Variants in HMCN1 observed in about 807,000 individuals in gnomAD.
HMCN1 encodes hemicentin-1.
Under a neutral mutation model 625.9 loss-of-function variants are expected in HMCN1, and 321 were observed. The observed-to-expected ratio is 0.51, with a 90% CI of 0.47 to 0.56. The LOEUF is 0.56. Among genes scored for constraint, HMCN1 ranks in the 20% least tolerant of loss-of-function variants. The pLI is 0.00. For synonymous variants in HMCN1, 2,425 were observed against 2,417.6 expected (o/e 1.00, Z -0.09); for missense variants, 6,588 against 6,887.3 (o/e 0.96, Z 1.54).
intron 20 of HMCN1, among the ~76,000 whole-genome samples, chr1:185,989,285 G>A (rs780441931): frequency 9.2e-5 from 14 of 151,956 alleles, no homozygotes; most frequent in Non-Finnish European, 1.0e-4. Context: ...GTGAGCCACC[G>A]CACCTGGCCC....
At chr1:185,894,469 C>T (rs573301725) in intron 4 of HMCN1, among the ~76,000 whole-genome samples, 80 of 152,270 alleles carry the variant, frequency 5.3e-4, no homozygotes, top group African/African-American at 1.9e-3. Context: ...TAGGACATTT[C>T]ATTTGTTATA....
At chr1:185,923,924 CT>C (rs1364017328) in intron 8 of HMCN1, among the ~76,000 whole-genome samples, 4 of 152,146 alleles carry the variant, frequency 2.6e-5, no homozygotes. Context: ...CTGGTACTAT[CT>C]TTTCCCCTAA....
At chr1:185,810,654 T>TTG (rs34235221) in intron 1 of HMCN1, among the ~76,000 whole-genome samples, 9,891 of 147,606 alleles carry the variant, frequency 0.067, 398 homozygotes, top group African/African-American at 0.12. Context: ...AATATCAACT[T>TTG]TGTGTGTGTG....
At chr1:185,781,419 A>G (rs1657093996) in intron 1 of HMCN1, among the ~76,000 whole-genome samples, 1 of 151,934 alleles carries the variant, frequency 6.6e-6, no homozygotes, top group Admixed American at 6.6e-5. Context: ...TTACTTGTCT[A>G]GTTCTTTTAA....
At chr1:186,004,572 A>G (rs1378161155) in intron 29 of HMCN1, among the ~76,000 whole-genome samples, 1 of 152,220 alleles carries the variant, frequency 6.6e-6, no homozygotes, top group Non-Finnish European at 1.5e-5. Flanking sequence ...CAATAATTTG[A>G]TGAATAATAA....
chr1:185,904,271 T>C (rs1665973522), intron 4 of HMCN1, among the ~76,000 whole-genome samples: 1 of 151,848 alleles, frequency 6.6e-6, no homozygotes, highest in African/African-American at 2.4e-5. Flanking sequence ...CTTCTGGTTA[T>C]CCAGAGGGGA....
intron 98 of HMCN1, among the ~76,000 whole-genome samples, 153 bp downstream of exon 98, chr1:186,165,326 G>C (rs1262375843): frequency 6.6e-6 from 1 of 152,208 alleles, no homozygotes; most frequent in Non-Finnish European, 1.5e-5. Flanking sequence ...TTGAGATGTA[G>C]AAAAGTCAAA....
chr1:186,125,649 A>G lies in HMCN1; in HGVS notation c.12545A>G (p.Glu4182Gly), dbSNP rs372284265. The change falls in exon 82 of 107, where the codon GAG becomes GGG. Residue 4182 changes from glutamate to glycine, a missense_variant. Transcript: ENST00000271588. ...RSTEGHYTVN[E>G]NSQAILPCVA... ...ACAGAAGGACACTACACGGTCAATG[A>G]GAATTCACAAGCCATTCTTCCATGC... 6.2e-7 allele frequency: 1 copy of G among 1,613,450 alleles called. No homozygotes were observed. The highest frequency in any genetic ancestry group is 8.5e-7 in the Non-Finnish European group (1 of 1,179,482).
chr1:185,864,774 T>C, intron 3 of HMCN1, 146 bp downstream of exon 3: 4 of 759,042 alleles, frequency 5.3e-6, no homozygotes, highest in South Asian at 1.6e-5. Flanking sequence ...ATATGTCATC[T>C]GATTTAAACA....
chr1:185,816,124 A>G (rs1659833257), intron 1 of HMCN1, among the ~76,000 whole-genome samples: 1 of 152,012 alleles, frequency 6.6e-6, no homozygotes, highest in Non-Finnish European at 1.5e-5. Flanking sequence ...TTAAGATAGA[A>G]CATGTAGCAT....
intron 93 of HMCN1, 31 bp downstream of exon 93, chr1:186,145,954 A>G (rs1650292820): frequency 1.9e-6 from 3 of 1,609,518 alleles, no homozygotes; most frequent in Admixed American, 3.4e-5. Context: ...TTGGTAGCAC[A>G]TTTAGAGCCT....
Position 186,136,657 on chromosome 1 carries a change from T to C in HMCN1, c.13313-11T>C. 6.2e-7 allele frequency: 1 copy of C among 1,613,722 alleles called. No individual in the cohort carries two copies. Among genetic ancestry groups the C allele is most frequent in the South Asian group, 1.1e-5 (1 of 91,058 alleles). ...CACAAAAACTGAGACACTATGTGCT[T>C]TTTTCCGTAGGTCCTCCTATTATCA... On this transcript the variant is annotated splice_polypyrimidine_tract_variant and intron_variant, in intron 86 of 106. Coordinates refer to ENST00000271588, the MANE Select transcript of HMCN1 (RefSeq NM_031935.3).
chr1:185,768,847 A>G lies in HMCN1; in HGVS notation c.268+33800A>G, dbSNP rs1656043781. On this transcript the variant is annotated intron_variant, in intron 1 of 106. Coordinates refer to ENST00000271588, the MANE Select transcript of HMCN1 (RefSeq NM_031935.3). Reference sequence around the variant, plus strand: ...GCCTGGAATCAGAAGACATGAAGTTAAGTATCATATCTGTTACTCACTTTT... The same window carrying G: ...GCCTGGAATCAGAAGACATGAAGTTGAGTATCATATCTGTTACTCACTTTT... 2.0e-5 allele frequency among the ~76,000 whole-genome samples: 3 copies of G among 152,198 alleles called. No individual in the cohort carries two copies. The South Asian group carries it at 6.2e-4, about 31-fold the overall frequency.
chr1:186,053,084 C>T lies in HMCN1; in HGVS notation c.6700+10C>T, dbSNP rs773936782. On this transcript the variant is annotated intron_variant, in intron 43 of 106. Coordinates refer to ENST00000271588, the MANE Select transcript of HMCN1 (RefSeq NM_031935.3). ...ATCTGGAAGAAGAAAGGTCAGTTTT[C>T]ATCCTTGAAATTTATAAAATTAAAG... 3 of 1,604,094 alleles carry T rather than the reference C, an allele frequency of 1.9e-6. No homozygotes were observed. The highest frequency in any genetic ancestry group is 2.6e-6 in the Non-Finnish European group (3 of 1,172,098).
At chr1:186,014,344 T>C (rs1654211306) in intron 30 of HMCN1, among the ~76,000 whole-genome samples, 1 of 151,532 alleles carries the variant, frequency 6.6e-6, no homozygotes, top group South Asian at 2.1e-4. Context: ...TTTATTATAC[T>C]TTAAGTTCTA....
At chr1:186,028,867 G>GCT (rs1655233601) in intron 36 of HMCN1, among the ~76,000 whole-genome samples, 1 of 151,902 alleles carries the variant, frequency 6.6e-6, no homozygotes, top group Non-Finnish European at 1.5e-5. Flanking sequence ...TGGGGTTACA[G>GCT]GCACCTGCCA....
intron 1 of HMCN1, among the ~76,000 whole-genome samples, chr1:185,805,164 A>C (rs1659083821): frequency 1.3e-5 from 2 of 152,204 alleles, no homozygotes. Context: ...CACTGGGAGC[A>C]TGAGAAAAGC....
chr1:186,076,265 T>C (rs1368199950), intron 53 of HMCN1, among the ~76,000 whole-genome samples, 163 bp from the exon 54 acceptor site: 1 of 152,170 alleles, frequency 6.6e-6, no homozygotes, highest in Non-Finnish European at 1.5e-5. Flanking sequence ...TTTCGTGTAC[T>C]ACTTTTTTGG....
chr1:186,088,302 G>A, intron 62 of HMCN1, 26 bp downstream of exon 62: 2 of 1,611,886 alleles, frequency 1.2e-6, no homozygotes, highest in Admixed American at 1.7e-5. Context: ...ATTTTTGTGT[G>A]TGTGTGTGTT....
Sources: gnomAD v4.1 joint callset for allele counts (sites outside exome capture counted in the v4.1 genomes callset) on GRCh38, gnomAD v4.1.1 for gene constraint, MANE v1.5 for transcripts, NCBI Gene and HGNC (gene_info 2026-07-23, HGNC 2026-07-21) for gene names.